Variants in CNGB1 observed in about 807,000 individuals in gnomAD.
CNGB1 encodes the protein cyclic nucleotide gated channel subunit beta 1.
A neutral mutation model predicts 151.7 loss-of-function variants in CNGB1; 126 were observed. The ratio of observed to expected loss-of-function variants is 0.83; its 90% CI spans 0.72 to 0.96. The LOEUF (loss-of-function observed/expected upper bound fraction) is 0.96. Among genes scored for constraint, CNGB1 ranks in the 40% least tolerant of loss-of-function variants. CNGB1 has a pLI of 0.00. For synonymous variants in CNGB1, 623 were observed against 635.1 expected (o/e 0.98, Z 0.29); for missense variants, 1,698 against 1,627.0 (o/e 1.04, Z -0.75).
chr16:57,964,439 T>C (rs563215244), intron 3 of CNGB1, 48 bp downstream of exon 3: 1 of 1,607,290 alleles, frequency 6.2e-7, no homozygotes, highest in Non-Finnish European at 8.5e-7. Flanking sequence ...GAGGGGAGAA[T>C]GCGGGCCCCC....
At chr16:57,901,497 G>A (rs1444644669) in intron 28 of CNGB1, 31 bp downstream of exon 28, 1 of 1,612,724 alleles carries the variant, frequency 6.2e-7, no homozygotes, top group Non-Finnish European at 8.5e-7. Context: ...GCCTCCCACA[G>A]CCCTGAGCGT....
At chr16:57,957,879 C>T (rs1203687531) in intron 11 of CNGB1, among the ~76,000 whole-genome samples, 1 of 152,214 alleles carries the variant, frequency 6.6e-6, no homozygotes, top group Admixed American at 6.5e-5. Flanking sequence ...AGGCCTCCCA[C>T]CTCCCAGTTC....
intron 16 of CNGB1, among the ~76,000 whole-genome samples, chr16:57,938,216 C>A (rs1000295701): frequency 6.6e-6 from 1 of 152,350 alleles, no homozygotes; most frequent in South Asian, 2.1e-4. Flanking sequence ...CCCACTGAAC[C>A]AAGCCTGCAC....
rs751822516 is a variant in CNGB1, at chr16:57,887,951, C to A, written c.3366G>T (p.Lys1122Asn). 6.2e-7 allele frequency: 1 copy of A among 1,614,108 alleles called. No individual in the cohort carries two copies. The highest frequency in any genetic ancestry group is 8.5e-7 in the Non-Finnish European group (1 of 1,180,036). Reference protein sequence around the residue: ...ALAMTGKMGGKGAKGGKLAHL... With the variant: ...ALAMTGKMGGNGAKGGKLAHL... Reference sequence around the variant, plus strand: ...GAGCAAGTTTGCCGCCTTTTGCCCCCTTGCCACCCATCTTTCCTGTCATAG... The same window carrying A: ...GAGCAAGTTTGCCGCCTTTTGCCCCATTGCCACCCATCTTTCCTGTCATAG... The change falls in exon 32 of 33, where the codon AAG (lysine) becomes AAT (asparagine). Residue 1122 changes from lysine (K) to asparagine (N), a missense_variant. Lys to Asn is a moderately conservative substitution (Grantham distance 94). Transcript: ENST00000251102.
chr16:57,951,443 C>T (rs997331148), intron 12 of CNGB1, among the ~76,000 whole-genome samples: 6 of 152,192 alleles, frequency 3.9e-5, no homozygotes, highest in African/African-American at 1.4e-4. Flanking sequence ...CCTCGACCTC[C>T]TGGGCTTAAG....
In CNGB1 at chr16:57,897,912, C is replaced by A; in HGVS notation, c.2979G>T (p.Gly993=). The A allele has an allele frequency of 3.1e-6, 5 of 1,614,128 alleles. No homozygotes were observed. The highest frequency in any genetic ancestry group is 4.2e-6 in the Non-Finnish European group (5 of 1,179,948). The change falls in exon 30 of 33, where the codon GGG becomes GGT. Residue 993 remains glycine (G), a splice_region_variant and synonymous_variant. Coordinates refer to ENST00000251102, the MANE Select transcript of CNGB1 (RefSeq NM_001297.5). ...YLPNDYVCKK[G]EIGREMYIIQ... is the part of the protein sequence containing the mutation. ...TGATGTACATCTCACGGCCGATCTC[C>A]CCCTGAAACAAAGAAGTGACAAGTC...
At chr16:57,899,779 G>T (rs1403198232) in intron 29 of CNGB1, among the ~76,000 whole-genome samples, 1 of 152,180 alleles carries the variant, frequency 6.6e-6, no homozygotes, top group African/African-American at 2.4e-5. Flanking sequence ...CAAAAAGGTA[G>T]AGAGGTTTGC....
chr16:57,950,525 C>T lies in CNGB1; in HGVS notation c.890G>A (p.Gly297Glu), dbSNP rs764296494. The part of the protein sequence containing the change: ...CDVQTISILP[G>E]GQVEPDLVLE... ...GACAAGGTCAGGCTCCACTTGTCCT[C>T]CAGGAAGGATGCTGACTGCAGGGAA... Residue 297 changes from glycine (G) to glutamate (E), a missense_variant, in exon 13 of 33, where the codon GGA becomes GAA. Transcript: ENST00000251102. 6.2e-7 allele frequency: 1 copy of T among 1,614,154 alleles called. No individual in the cohort carries two copies. Among genetic ancestry groups the T allele is most frequent in the South Asian group, 1.1e-5 (1 of 91,088 alleles).
At chr16:57,904,563 C>T (rs1157881195) in intron 26 of CNGB1, among the ~76,000 whole-genome samples, 171 bp downstream of exon 26, 1 of 152,160 alleles carries the variant, frequency 6.6e-6, no homozygotes, top group Non-Finnish European at 1.5e-5. Flanking sequence ...GAGTTCACCA[C>T]CACCCCCTTC....
chr16:57,910,527 C>T (rs1960679676), intron 25 of CNGB1, among the ~76,000 whole-genome samples: 1 of 152,106 alleles, frequency 6.6e-6, no homozygotes, highest in Admixed American at 6.5e-5. Context: ...GGCGCTGCCA[C>T]CATGCCTGGC....
In CNGB1 at chr16:57,897,514, C is replaced by T. The variant is rs773698242; in HGVS notation, c.3125G>A (p.Arg1042His). ...SLLAVGGGNRRTANVVAHGFT... is the reference protein window; with the variant it reads ...SLLAVGGGNRHTANVVAHGFT... ...CCCGTGCGCCACCACGTTGGCCGTG[C>T]GCCGGTTCCCGCCCCCAACAGCCAG... Residue 1042 changes from arginine (R) to histidine (H), a missense_variant, in exon 31 of 33, where the codon CGC (arginine) becomes CAC (histidine). Coordinates refer to ENST00000251102, the MANE Select transcript of CNGB1 (RefSeq NM_001297.5). The T allele has an allele frequency of 4.3e-6, 7 of 1,614,152 alleles. No individual in the cohort carries two copies. The highest frequency in any genetic ancestry group is 1.7e-5 in the Admixed American group (1 of 60,016).
At position 57,917,294 on chromosome 16, in the gene CNGB1, G is replaced by T; in HGVS notation, c.2140C>A (p.Gln714Lys). 1 of 1,614,080 alleles carries T rather than the reference G, an allele frequency of 6.2e-7. No homozygotes were observed. The highest frequency in any genetic ancestry group is 8.5e-7 in the Non-Finnish European group (1 of 1,180,022). Residue 714 changes from glutamine to lysine, a missense_variant, in exon 21 of 33, where the codon CAG (glutamine) becomes AAG (lysine). Gln to Lys is a moderately conservative substitution (Grantham distance 53). Transcript: ENST00000251102. ...ATGATGTCCCCGCCTCTGACAAACT[G>T]CAGGCGTGTCTGGAACACGGTGATG... ...LDITVFQTRL[Q>K]FVRGGDIITD... is the part of the protein sequence containing the mutation.
intron 7 of CNGB1, 120 bp from the exon 8 acceptor site, chr16:57,961,035 TG>T: frequency 1.2e-6 from 1 of 868,478 alleles, no homozygotes; most frequent in Non-Finnish European, 1.9e-6. Flanking sequence ...TTCTGCACAG[TG>T]GGGGCCTTGT....
intron 17 of CNGB1, among the ~76,000 whole-genome samples, chr16:57,929,925 C>CA (rs1200663384): frequency 6.6e-5 from 10 of 151,416 alleles, no homozygotes; most frequent in South Asian, 2.1e-4. Flanking sequence ...ATCCATGATC[C>CA]AAAAAATAAA....
Position 57,916,130 on chromosome 16 carries a change from T to A in CNGB1, c.2216A>T (p.Lys739Met). 6.2e-7 allele frequency: 1 copy of A among 1,614,002 alleles called. No individual in the cohort carries two copies. The change falls in exon 22 of 33, where the codon AAG (lysine) becomes ATG (methionine). Residue 739 changes from lysine to methionine, a missense_variant and splice_region_variant. By Grantham distance (95) the Lys-to-Met change is moderately conservative. Coordinates refer to ENST00000251102, the MANE Select transcript of CNGB1 (RefSeq NM_001297.5). The stretch of plus-strand genomic sequence containing the variant: ...AAACCTTGCATGCCCGGCACACACC[T>A]TGAAGCGGCGAGACTTCAGGTAGTT... ...RNNYLKSRRF[K>M]MDLLSLLPLD...
chr16:57,899,334 A>C (rs1960321787), intron 29 of CNGB1, among the ~76,000 whole-genome samples: 2 of 144,924 alleles, frequency 1.4e-5, no homozygotes, highest in East Asian at 3.9e-4. Context: ...AAAAAAAAAT[A>C]ATAATAATAA....
At chr16:57,939,306 G>T (rs1388205822) in intron 16 of CNGB1, 124 bp downstream of exon 16, 1 of 1,359,702 alleles carries the variant, frequency 7.4e-7, no homozygotes, top group Non-Finnish European at 1.0e-6. Flanking sequence ...GGTGGCTGAG[G>T]GGGCAATGGG....
rs1243898601 is a variant in CNGB1, at chr16:57,933,331, C to T, written c.1373-1453G>A. ...GTGCTACTTCCTATTTGGATAACTG[C>T]TTGGTTATGTCCTTGTTCTTGTACA... On this transcript the variant is annotated intron_variant, in intron 16 of 32. Transcript: ENST00000251102. Among the ~76,000 whole-genome samples the T allele has an allele frequency of 2.6e-5, 4 of 152,184 alleles. No homozygotes were observed. In the East Asian group the frequency reaches 7.7e-4, roughly 29 times the overall value.
chr16:57,922,806 TC>T (rs1368511394), intron 18 of CNGB1, among the ~76,000 whole-genome samples: 1 of 151,534 alleles, frequency 6.6e-6, no homozygotes, highest in Admixed American at 6.6e-5. Context: ...AAATGTGAAC[TC>T]CCCAGGCCTA....
Sources: gnomAD v4.1 joint callset for allele counts (sites outside exome capture counted in the v4.1 genomes callset) on GRCh38, gnomAD v4.1.1 for gene constraint, MANE v1.5 for transcripts, NCBI Gene and HGNC (gene_info 2026-07-23, HGNC 2026-07-21) for gene names.